TRPC7: variants seen among roughly 807,000 people sequenced by gnomAD.
TRPC7 encodes short transient receptor potential channel 7.
TRPC7 carries 42 observed loss-of-function variants against 90.1 expected under a neutral mutation model. That is an observed-to-expected ratio of 0.47 (90% CI 0.36 to 0.60). TRPC7 has a LOEUF of 0.60. Ranked by LOEUF, TRPC7 falls within the 20% of genes least tolerant of loss-of-function variation. The pLI is 0.00. For missense variants in TRPC7, 955 were observed against 1,112.3 expected, an observed-to-expected ratio of 0.86 and a Z score of 2.01; for synonymous variants, 451 against 436.3, an observed-to-expected ratio of 1.03 and a Z score of -0.42.
Position 136,247,061 on chromosome 5 carries a change from T to G in TRPC7, c.1844+410A>C, listed in dbSNP as rs1353338245. Among the ~76,000 whole-genome samples the G allele has an allele frequency of 1.3e-5, 2 of 152,196 alleles. No individual in the cohort carries two copies. On this transcript the variant is annotated intron_variant, in intron 7 of 11. Transcript: ENST00000513104. The surrounding 1 kb of genome is among the most constrained non-coding windows in gnomAD (Gnocchi z 4.2). ...AAATATCTCGCTTTTATTATTATTT[T>G]CACATCACTCTAGTCTATCAACTTT...
intron 7 of TRPC7, among the ~76,000 whole-genome samples, chr5:136,244,200 C>T (rs1409928486): frequency 6.6e-6 from 1 of 150,968 alleles, no homozygotes; most frequent in Non-Finnish European, 1.5e-5. Flanking sequence ...TCTCCCTCCT[C>T]CTCCTTCTTC....
Position 136,245,792 on chromosome 5 carries a change from G to A in TRPC7, c.1844+1679C>T, listed in dbSNP as rs138617321. On this transcript the variant is annotated intron_variant, in intron 7 of 11. Transcript: ENST00000513104. The stretch of plus-strand genomic sequence containing the variant: ...CACTTCTGTGTTTCAGGCACTTTAT[G>A]TAAACATCCTCATTTATCCATAAAG... 1.7e-4 allele frequency among the ~76,000 whole-genome samples: 26 copies of A among 152,310 alleles called. 1 individual carries two copies. In the Middle Eastern group the frequency reaches 0.017, roughly 100 times the overall value.
At chr5:136,255,068 T>A (rs1165018772) in intron 5 of TRPC7, among the ~76,000 whole-genome samples, 1 of 152,250 alleles carries the variant, frequency 6.6e-6, no homozygotes, top group Admixed American at 6.5e-5. Flanking sequence ...GAATTGTTTC[T>A]TATGGATGAG....
chr5:136,249,690 A>G (rs534140389), intron 6 of TRPC7, among the ~76,000 whole-genome samples: 7 of 152,364 alleles, frequency 4.6e-5, no homozygotes, highest in Admixed American at 3.3e-4. Flanking sequence ...ACTGACTTGT[A>G]AAGAGTTGTG....
rs551264578 is a variant in TRPC7 at position 136,274,705 on chromosome 5, C to T, written c.1096G>A (p.Ala366Thr). The T allele has an allele frequency of 8.1e-6, 13 of 1,613,364 alleles. No homozygotes were observed. Among genetic ancestry groups the T allele is most frequent in the African/African-American group, 4.0e-5 (3 of 74,860 alleles). ...CACGGAGCAATCCAATAGGCTATGG[C>T]GAGAAAAGGGAGGCCTATGGAGACT... ...FGVSIGLPFL[A>T]IAYWIAPCSK... Residue 366 changes from alanine to threonine, a missense_variant, in exon 4 of 12, where the codon GCC becomes ACC. Physicochemically the swap from Ala to Thr is moderately conservative, Grantham distance 58. This residue lies in a region of TRPC7 where 484 missense variants were observed against 509.6 expected (regional missense o/e 0.95). Transcript: ENST00000513104.
At chr5:136,304,435 AG>A (rs1758531425) in intron 3 of TRPC7, among the ~76,000 whole-genome samples, 2 of 152,182 alleles carry the variant, frequency 1.3e-5, no homozygotes, top group African/African-American at 4.8e-5. Flanking sequence ...AAGGCTTACA[AG>A]TTAGTTCAGA....
chr5:136,236,240 G>A (rs1561682175), intron 7 of TRPC7, among the ~76,000 whole-genome samples: 1 of 152,186 alleles, frequency 6.6e-6, no homozygotes, highest in African/African-American at 2.4e-5. Context: ...CTATGAGACT[G>A]TAAGCAGGGA....
intron 3 of TRPC7, among the ~76,000 whole-genome samples, chr5:136,284,682 T>C (rs1441865222): frequency 6.6e-6 from 1 of 152,042 alleles, no homozygotes; most frequent in African/African-American, 2.4e-5. Flanking sequence ...AGGGGTGTCA[T>C]GGAACAGCAG....
intron 3 of TRPC7, among the ~76,000 whole-genome samples, chr5:136,288,805 A>G (rs1431788789): frequency 6.6e-6 from 1 of 152,252 alleles, no homozygotes; most frequent in East Asian, 1.9e-4. Context: ...ATCTGTAAAT[A>G]TAATAACCAG....
intron 4 of TRPC7, among the ~76,000 whole-genome samples, chr5:136,268,081 CTG>C (rs1371015960): frequency 6.6e-6 from 1 of 152,114 alleles, no homozygotes; most frequent in Non-Finnish European, 1.5e-5. Context: ...CAGTAAAAAA[CTG>C]AATTAAACCA....
intron 2 of TRPC7, among the ~76,000 whole-genome samples, chr5:136,325,612 T>C (rs935886923): frequency 6.6e-6 from 1 of 152,172 alleles, no homozygotes; most frequent in Admixed American, 6.5e-5. Context: ...ATATAGTGTA[T>C]TGAGGCAGGA....
chr5:136,307,846 C>T (rs1245038721), intron 3 of TRPC7, among the ~76,000 whole-genome samples: 3 of 152,210 alleles, frequency 2.0e-5, no homozygotes, highest in African/African-American at 4.8e-5. Flanking sequence ...GTATGGCAAA[C>T]AGTTTCCATT....
intron 3 of TRPC7, among the ~76,000 whole-genome samples, chr5:136,306,998 G>A (rs1211585510): frequency 6.6e-6 from 1 of 152,238 alleles, no homozygotes; most frequent in Non-Finnish European, 1.5e-5. Flanking sequence ...CCTGTTTGGT[G>A]GTCTCTTCAC....
intron 5 of TRPC7, among the ~76,000 whole-genome samples, chr5:136,254,827 T>A (rs984073477): frequency 6.6e-6 from 1 of 152,212 alleles, no homozygotes; most frequent in Non-Finnish European, 1.5e-5. Context: ...TGGAAAGGAT[T>A]TATCGTTTTA....
intron 9 of TRPC7, among the ~76,000 whole-genome samples, chr5:136,225,597 G>T (rs1755601034): frequency 6.6e-6 from 1 of 151,510 alleles, no homozygotes; most frequent in Admixed American, 6.6e-5. Flanking sequence ...CTGAATTAAG[G>T]TTACATGGAT....
intron 4 of TRPC7, among the ~76,000 whole-genome samples, chr5:136,269,522 T>C (rs1472101865): frequency 1.3e-5 from 2 of 152,220 alleles, no homozygotes; most frequent in Non-Finnish European, 2.9e-5. Context: ...GTGATTGTGG[T>C]AGATCACTCA....
chr5:136,231,331 C>G (rs375645144), intron 8 of TRPC7, 23 bp downstream of exon 8: 1 of 1,560,362 alleles, frequency 6.4e-7, no homozygotes, highest in African/African-American at 1.4e-5. Flanking sequence ...GGAGAGCAAG[C>G]ATTTTCAGTG....
rs771396599 is a variant in TRPC7 at position 136,251,856 on chromosome 5, T to C, written c.1372A>G (p.Ile458Val). 4 of 1,613,924 alleles carry C rather than the reference T, an allele frequency of 2.5e-6. No individual in the cohort carries two copies. Among genetic ancestry groups the C allele is most frequent in the South Asian group, 2.2e-5 (2 of 91,076 alleles). Residue 458 changes from isoleucine (I) to valine (V), a missense_variant, in exon 6 of 12, where the codon ATC (isoleucine) becomes GTC (valine). By Grantham distance (29) the Ile-to-Val change is conservative. Around this residue, in one of 4 missense-constraint regions of TRPC7, gnomAD observed 484 missense variants for 509.6 expected, o/e 0.95. Coordinates refer to ENST00000513104, the MANE Select transcript of TRPC7 (RefSeq NM_020389.3). ...LGMIWSECKE[I>V]WEEGPREYVL... is the part of the protein sequence containing the mutation. ...TACTCCCGTGGCCCCTCCTCCCAGA[T>C]TTCCTTGCATTCGGACCAAATCATT...
chr5:136,230,124 A>G (rs1755769652), intron 8 of TRPC7, among the ~76,000 whole-genome samples: 1 of 152,212 alleles, frequency 6.6e-6, no homozygotes, highest in African/African-American at 2.4e-5. Context: ...TCTCATATCA[A>G]TGGACTATTT....
Sources: allele counts gnomAD v4.1 joint callset (sites outside exome capture counted in the v4.1 genomes callset), GRCh38; gene constraint gnomAD v4.1.1; regional missense constraint gnomAD v4.1.1; non-coding constraint Gnocchi (gnomAD v3.1); transcripts MANE v1.5; gene names NCBI Gene and HGNC (gene_info 2026-07-23, HGNC 2026-07-21).